SIK3: variants seen among roughly 807,000 people sequenced by gnomAD.
The protein encoded by SIK3 is serine/threonine-protein kinase SIK3.
In SIK3, 28 loss-of-function variants were observed where a neutral mutation model predicts 144.2. The ratio of observed to expected loss-of-function variants is 0.19; its 90% confidence interval spans 0.14 to 0.27. The LOEUF (loss-of-function observed/expected upper bound fraction) is 0.27. SIK3 is among the 10% of genes least tolerant of loss of function. The pLI is 1.00. For synonymous variants in SIK3, 686 were observed against 676.3 expected (o/e 1.01, Z -0.22); for missense variants, 1,319 against 1,776.0 (o/e 0.74, Z 4.62).
At chr11:116,993,042 T>C (rs1950548464) in intron 1 of SIK3, among the ~76,000 whole-genome samples, 1 of 152,110 alleles carries the variant, frequency 6.6e-6, no homozygotes, top group Admixed American at 6.6e-5. Context: ...TTTTATTTTA[T>C]TTTATTTCTA....
chr11:116,908,861 T>C (rs1387822676), intron 4 of SIK3, among the ~76,000 whole-genome samples: 2 of 152,172 alleles, frequency 1.3e-5, no homozygotes, highest in Non-Finnish European at 2.9e-5. Flanking sequence ...ACACACACCA[T>C]ATGACCCAGC....
At chr11:117,077,202 G>A (rs1222954261) in intron 1 of SIK3, among the ~76,000 whole-genome samples, 1 of 152,184 alleles carries the variant, frequency 6.6e-6, no homozygotes, top group Non-Finnish European at 1.5e-5. Context: ...GACAGGACAT[G>A]AAACACTGCT....
chr11:116,884,196 G>T (rs1591463531), intron 6 of SIK3, among the ~76,000 whole-genome samples: 1 of 151,980 alleles, frequency 6.6e-6, no homozygotes, highest in African/African-American at 2.4e-5. Flanking sequence ...TAAAGGACTA[G>T]TTATTTATTT....
At chr11:116,950,553 C>A (rs187802555) in intron 3 of SIK3, among the ~76,000 whole-genome samples, 1 of 152,116 alleles carries the variant, frequency 6.6e-6, no homozygotes, top group Admixed American at 6.5e-5. Flanking sequence ...AAAGGTAGCC[C>A]GAAGTAACCT....
intron 6 of SIK3, among the ~76,000 whole-genome samples, chr11:116,884,160 G>C (rs1001498046): frequency 6.6e-6 from 1 of 152,026 alleles, no homozygotes; most frequent in Non-Finnish European, 1.5e-5. Context: ...TGCTATAATA[G>C]AAATAAACAT....
intron 15 of SIK3, 97 bp from the exon 16 acceptor site, chr11:116,863,915 G>T: frequency 7.7e-7 from 1 of 1,303,428 alleles, no homozygotes; most frequent in Non-Finnish European, 1.1e-6. Flanking sequence ...AAGACGGCTG[G>T]CTGCCCAGGT....
chr11:116,955,539 C>G (rs1481123192), intron 2 of SIK3, among the ~76,000 whole-genome samples: 1 of 152,212 alleles, frequency 6.6e-6, no homozygotes, highest in Admixed American at 6.5e-5. Context: ...GTAAGACAGG[C>G]AAACTTGCAG....
At chr11:117,019,677 G>C (rs1291585668) in intron 1 of SIK3, among the ~76,000 whole-genome samples, 1 of 151,574 alleles carries the variant, frequency 6.6e-6, no homozygotes, top group African/African-American at 2.4e-5. Flanking sequence ...GCAGTGGCGT[G>C]ATCTTGACTC....
intron 1 of SIK3, among the ~76,000 whole-genome samples, chr11:117,041,329 A>G (rs1952733869): frequency 6.6e-6 from 1 of 152,174 alleles, no homozygotes; most frequent in South Asian, 2.1e-4. Flanking sequence ...TATGGTAGTC[A>G]CATAAATTTG....
intron 6 of SIK3, among the ~76,000 whole-genome samples, chr11:116,895,167 G>A (rs757972590): frequency 2.6e-5 from 4 of 151,812 alleles, no homozygotes; most frequent in Non-Finnish European, 4.4e-5. Flanking sequence ...ATCTCTCACC[G>A]CTCCTTCCTT....
intron 1 of SIK3, among the ~76,000 whole-genome samples, chr11:117,066,834 G>A (rs913327876): frequency 3.3e-5 from 5 of 152,030 alleles, no homozygotes; most frequent in East Asian, 1.9e-4. Flanking sequence ...CACTGTGCCC[G>A]GTCAGCCCAT....
intron 13 of SIK3, among the ~76,000 whole-genome samples, chr11:116,871,072 T>C (rs1943945492): frequency 6.6e-6 from 1 of 152,248 alleles, no homozygotes; most frequent in Admixed American, 6.5e-5. Flanking sequence ...GATACAATTG[T>C]GTAGTATCAA....
intron 4 of SIK3, among the ~76,000 whole-genome samples, chr11:116,901,910 C>T (rs1191333177): frequency 6.6e-6 from 1 of 152,178 alleles, no homozygotes; most frequent in Non-Finnish European, 1.5e-5. Flanking sequence ...GAACAGGTTG[C>T]TAAAAATCCC....
intron 1 of SIK3, among the ~76,000 whole-genome samples, chr11:117,079,410 C>T (rs944904712): frequency 6.6e-6 from 1 of 152,172 alleles, no homozygotes; most frequent in Non-Finnish European, 1.5e-5. Flanking sequence ...AAAACCTAGA[C>T]TCATTTATTC....
chr11:117,019,712 C>G (rs1319826188), intron 1 of SIK3, among the ~76,000 whole-genome samples: 2 of 151,840 alleles, frequency 1.3e-5, no homozygotes, highest in African/African-American at 4.8e-5. Flanking sequence ...CTCCCGGGTT[C>G]ACGTGATTCT....
intron 1 of SIK3, among the ~76,000 whole-genome samples, chr11:117,071,779 T>C (rs1478881267): frequency 7.1e-6 from 1 of 141,182 alleles, no homozygotes; most frequent in Admixed American, 7.3e-5. Flanking sequence ...CCATGCTTGG[T>C]TAATTTTTTT....
At chr11:116,890,933 G>A (rs776771077) in intron 6 of SIK3, among the ~76,000 whole-genome samples, 6 of 152,100 alleles carry the variant, frequency 3.9e-5, no homozygotes, top group Non-Finnish European at 8.8e-5. Flanking sequence ...GCAGATAGGA[G>A]ATCAATTTAG....
At chr11:117,005,146 T>C (rs1950993846) in intron 1 of SIK3, among the ~76,000 whole-genome samples, 1 of 151,444 alleles carries the variant, frequency 6.6e-6, no homozygotes, top group Non-Finnish European at 1.5e-5. Context: ...ACTCAGAATA[T>C]AAAAACAAAA....
At chr11:116,916,701 G>A (rs1175223833) in intron 4 of SIK3, among the ~76,000 whole-genome samples, 2 of 151,150 alleles carry the variant, frequency 1.3e-5, no homozygotes, top group African/African-American at 4.9e-5. Flanking sequence ...TAGTAGAGAC[G>A]GGGTTTCACC....
Sources: allele counts gnomAD v4.1 joint callset (sites outside exome capture counted in the v4.1 genomes callset), GRCh38; gene constraint gnomAD v4.1.1; transcripts MANE v1.5; gene names NCBI Gene and HGNC (gene_info 2026-07-23, HGNC 2026-07-21).